The following CRISPLD1 variants were observed in gnomAD, a reference collection of about 807,000 sequenced individuals.
CRISPLD1 encodes the protein cysteine-rich secretory protein LCCL domain-containing 1.
In CRISPLD1, 60 loss-of-function variants were observed where a neutral mutation model predicts 77.5. The ratio of observed to expected loss-of-function variants is 0.77; its 90% CI spans 0.63 to 0.96. The LOEUF is 0.96. CRISPLD1 is among the 40% of genes least tolerant of loss of function. The pLI is 0.00. For missense variants in CRISPLD1, 623 were observed against 615.8 expected (o/e 1.01, Z -0.12); for synonymous variants, 195 against 200.1 (o/e 0.97, Z 0.22).
In CRISPLD1 at chr8:75,032,992, C is replaced by A. The variant is rs1317316309; in HGVS notation, c.*750C>A. On this transcript the variant is annotated 3_prime_UTR_variant, in exon 15 of 15. Coordinates refer to ENST00000262207, the MANE Select transcript of CRISPLD1 (RefSeq NM_031461.6). ...TGTTAAAATTGAGGTCACATATTTT[C>A]TTTTGTATCCTGGCAAATACTCCTG... The A allele has an allele frequency of 6.6e-6, 1 of 151,950 alleles. No homozygotes were observed. Among genetic ancestry groups the A allele is most frequent in the Non-Finnish European group, 1.5e-5 (1 of 67,792 alleles). The allele number at this position is 151,950 out of a possible 1,614,324, so 9.4% of individuals were successfully genotyped here. A position where few individuals can be genotyped will look rare whatever the true frequency, so the allele number is the denominator to read the frequency against.
intron 2 of CRISPLD1, among the ~76,000 whole-genome samples, chr8:75,008,080 T>C (rs1189446533): frequency 2.0e-5 from 3 of 152,270 alleles, no homozygotes; most frequent in Admixed American, 6.5e-5. Context: ...AAAAATATCA[T>C]TGGAGACAAA....
At chr8:75,014,225 T>G in intron 5 of CRISPLD1, 123 bp downstream of exon 5, 1 of 655,154 alleles carries the variant, frequency 1.5e-6, no homozygotes, top group Non-Finnish European at 2.7e-6. Context: ...TTAATTCTGT[T>G]TATTTAATAT....
chr8:74,999,549 A>G (rs1271993027), intron 2 of CRISPLD1, among the ~76,000 whole-genome samples: 4 of 152,106 alleles, frequency 2.6e-5, no homozygotes, highest in Non-Finnish European at 1.5e-5. Flanking sequence ...AATATTCTGC[A>G]TTTCTAACAA....
At chr8:75,000,937 CAA>C (rs1812729648) in intron 2 of CRISPLD1, among the ~76,000 whole-genome samples, 1 of 152,038 alleles carries the variant, frequency 6.6e-6, no homozygotes, top group Non-Finnish European at 1.5e-5. Context: ...TCTGTCTTGA[CAA>C]AATAGTTTTA....
At chr8:75,022,306 G>T (rs1813149494) in intron 12 of CRISPLD1, among the ~76,000 whole-genome samples, 2 of 151,816 alleles carry the variant, frequency 1.3e-5, no homozygotes, top group South Asian at 4.2e-4. Context: ...AATAGTTTTG[G>T]CCAGGCGTGG....
rs1813384769 is a variant in CRISPLD1 at position 75,033,256 on chromosome 8, T to G, written c.*1014T>G. On this transcript the variant is annotated 3_prime_UTR_variant, in exon 15 of 15. Coordinates refer to ENST00000262207, the MANE Select transcript of CRISPLD1 (RefSeq NM_031461.6). ...TCTGCTGGTGGATTTACATATTAAA[T>G]TTTTTCTGCTGGTGGATAAACATTA... 6.6e-6 allele frequency: 1 copy of G among 152,402 alleles called. No individual in the cohort carries two copies. Among genetic ancestry groups the G allele is most frequent in the Admixed American group, 6.6e-5 (1 of 15,242 alleles). The allele number at this position is 152,402 out of a possible 1,614,324, so 9.4% of individuals were successfully genotyped here. A position where few individuals can be genotyped will look rare whatever the true frequency, so the allele number is the denominator to read the frequency against.
In CRISPLD1 at chr8:75,029,445, A is replaced by G; in HGVS notation, c.1379A>G (p.Tyr460Cys). The change falls in exon 14 of 15, where the codon TAT becomes TGT. Residue 460 changes from tyrosine to cysteine, a missense_variant. Transcript: ENST00000262207. ...HAGVVRNHGG[Y>C]VDVMPVDKRK... ...GGAGTGGTTCGAAATCACGGTGGTT[A>G]TGTTGATGTAATGCCTGTGGACAAA... is the stretch of plus-strand genomic sequence containing the variant. 6.2e-7 allele frequency: 1 copy of G among 1,613,794 alleles called. No individual in the cohort carries two copies. The highest frequency in any genetic ancestry group is 1.3e-5 in the African/African-American group (1 of 75,044).
At chr8:75,025,162 A>G (rs1813209918) in intron 12 of CRISPLD1, among the ~76,000 whole-genome samples, 1 of 152,186 alleles carries the variant, frequency 6.6e-6, no homozygotes, top group Non-Finnish European at 1.5e-5. Context: ...ATGTGAATAT[A>G]AAGAAGAGAA....
intron 12 of CRISPLD1, among the ~76,000 whole-genome samples, chr8:75,020,297 G>A (rs1263520849): frequency 6.6e-6 from 1 of 152,236 alleles, no homozygotes; most frequent in Non-Finnish European, 1.5e-5. Flanking sequence ...GTTTATGCAT[G>A]TAATCTGTAT....
At chr8:74,992,903 T>TG (rs1554593608) in intron 2 of CRISPLD1, among the ~76,000 whole-genome samples, 2 of 142,770 alleles carry the variant, frequency 1.4e-5, no homozygotes, top group African/African-American at 5.5e-5. Context: ...TTAGAAATTA[T>TG]GGTTTTTTTT....
intron 13 of CRISPLD1, 40 bp from the exon 14 acceptor site, chr8:75,029,347 G>A (rs1813290967): frequency 1.9e-6 from 3 of 1,594,434 alleles, no homozygotes; most frequent in Middle Eastern, 1.7e-4. Flanking sequence ...AGTCCAGCAG[G>A]AATTTCCAAT....
rs1380883559 is a variant in CRISPLD1 at position 75,017,402 on chromosome 8, G to A, written c.1079G>A (p.Arg360Lys). The change falls in exon 10 of 15, where the codon AGA (arginine) becomes AAA (lysine). Residue 360 changes from arginine to lysine, a missense_variant. Coordinates refer to ENST00000262207, the MANE Select transcript of CRISPLD1 (RefSeq NM_031461.6). ...GGWVDITRQGRKHYFIKSNRN... is the reference protein window; with the variant it reads ...GGWVDITRQGKKHYFIKSNRN... ...TGGGTAGATATCACTAGACAAGGAA[G>A]AAAGCATTATTTCATCAAGTCCAAT... 3.1e-6 allele frequency: 5 copies of A among 1,610,938 alleles called. No individual in the cohort carries two copies. The highest frequency in any genetic ancestry group is 4.2e-6 in the Non-Finnish European group (5 of 1,178,606).
intron 12 of CRISPLD1, among the ~76,000 whole-genome samples, chr8:75,021,363 T>C (rs1813133312): frequency 6.6e-6 from 1 of 152,182 alleles, no homozygotes; most frequent in African/African-American, 2.4e-5. Flanking sequence ...ATAGCCTGTT[T>C]CCTTTCAAAT....
chr8:75,031,381 A>G (rs1434610121), intron 14 of CRISPLD1, among the ~76,000 whole-genome samples: 1 of 152,124 alleles, frequency 6.6e-6, no homozygotes, highest in Non-Finnish European at 1.5e-5. Flanking sequence ...AAAAGCTTAC[A>G]GTTGATTTGA....
At chr8:75,029,915 A>G (rs1031208653) in intron 14 of CRISPLD1, among the ~76,000 whole-genome samples, 4 of 152,178 alleles carry the variant, frequency 2.6e-5, no homozygotes, top group East Asian at 3.8e-4. Context: ...GACAAAAACA[A>G]TGTCTGATTT....
intron 12 of CRISPLD1, among the ~76,000 whole-genome samples, chr8:75,020,576 G>A (rs796398992): frequency 4.6e-5 from 7 of 152,262 alleles, no homozygotes; most frequent in African/African-American, 1.7e-4. Flanking sequence ...TAATCCTATT[G>A]GATGAGGACC....
chr8:75,012,622 G>A, intron 3 of CRISPLD1, 71 bp downstream of exon 3: 2 of 1,084,386 alleles, frequency 1.8e-6, no homozygotes, highest in Non-Finnish European at 2.8e-6. Context: ...TAATTCATCA[G>A]TACAATTTTT....
rs1311046494 is a variant in CRISPLD1, at chr8:75,014,108, T to C, written c.626+6T>C. ...GTGTGCAATTACTCCCCAAAGTGAG[T>C]AGACAAAACACTACGTTCAGATGTA... On this transcript the variant is annotated splice_donor_region_variant and intron_variant, in intron 5 of 14. Transcript: ENST00000262207. 3.3e-6 allele frequency: 5 copies of C among 1,522,104 alleles called. No homozygotes were observed. The highest frequency in any genetic ancestry group is 2.2e-5 in the South Asian group (2 of 89,146). The allele number at this position is 1,522,104 out of a possible 1,614,324, so 94.3% of individuals were successfully genotyped here.
chr8:75,013,773 C>G (rs905966046), intron 4 of CRISPLD1, among the ~76,000 whole-genome samples: 2 of 152,034 alleles, frequency 1.3e-5, no homozygotes, highest in East Asian at 3.9e-4. Context: ...ATTTTATAAC[C>G]AGACACAGTT....
Sources: gnomAD v4.1 joint callset for allele counts (sites outside exome capture counted in the v4.1 genomes callset) on GRCh38, gnomAD v4.1.1 for gene constraint, MANE v1.5 for transcripts, NCBI Gene and HGNC (gene_info 2026-07-23, HGNC 2026-07-21) for gene names.